Variants in ICE1 observed in about 807,000 individuals in gnomAD.
ICE1 encodes little elongation complex subunit 1.
A neutral mutation model predicts 192.7 loss-of-function variants in ICE1; 64 were observed. That is an observed-to-expected ratio of 0.33 (90% confidence interval 0.27 to 0.41). The LOEUF is 0.41. ICE1 is among the 10% of genes least tolerant of loss of function. The pLI is 1.00. For synonymous variants in ICE1, 1,010 were observed against 984.5 expected (o/e 1.03, Z -0.49); for missense variants, 2,708 against 2,696.0 (o/e 1.00, Z -0.10).
intron 10 of ICE1, among the ~76,000 whole-genome samples, chr5:5,448,841 A>G (rs1043321363): frequency 4.6e-5 from 7 of 152,050 alleles, no homozygotes; most frequent in African/African-American, 1.7e-4. Flanking sequence ...CTGGGCATTG[A>G]TTGCTCACCT....
rs746003649 is a variant in ICE1, at chr5:5,464,507, C to T, written c.5173C>T (p.Leu1725Phe). 3 of 1,613,992 alleles carry T rather than the reference C, an allele frequency of 1.9e-6. No individual in the cohort carries two copies. The highest frequency in any genetic ancestry group is 2.2e-5 in the East Asian group (1 of 44,874). ...QFCAATPKHA[L>F]PVPGRLPPCA... is the part of the protein sequence containing the mutation. Reference sequence around the variant, plus strand: ...CTGTGCGGCCACGCCGAAGCACGCACTTCCTGTGCCTGGCCGACTCCCACC... The same window carrying T: ...CTGTGCGGCCACGCCGAAGCACGCATTTCCTGTGCCTGGCCGACTCCCACC... Residue 1725 changes from leucine to phenylalanine, a missense_variant, in exon 13 of 19, where the codon CTT becomes TTT. Transcript: ENST00000296564. The surrounding 1 kb of genome is among the most constrained non-coding windows in gnomAD (Gnocchi z 4.0).
At chr5:5,470,781 A>G (rs991256571) in intron 15 of ICE1, among the ~76,000 whole-genome samples, 1 of 152,196 alleles carries the variant, frequency 6.6e-6, no homozygotes, top group Non-Finnish European at 1.5e-5. Context: ...AATTCAAAAT[A>G]TTTACATTTA....
chr5:5,473,051 A>C (rs1739209885), intron 15 of ICE1, among the ~76,000 whole-genome samples: 1 of 152,188 alleles, frequency 6.6e-6, no homozygotes, highest in African/African-American at 2.4e-5. Flanking sequence ...AGAAGTTCAA[A>C]CTACTCTTTC....
intron 17 of ICE1, among the ~76,000 whole-genome samples, chr5:5,477,357 C>T (rs1739348164): frequency 6.6e-6 from 1 of 152,184 alleles, no homozygotes. Context: ...ATACTGTAAA[C>T]ACCTCTATGC....
intron 10 of ICE1, among the ~76,000 whole-genome samples, chr5:5,448,316 T>C (rs184833473): frequency 9.7e-4 from 147 of 152,260 alleles, no homozygotes; most frequent in Middle Eastern, 3.4e-3. Flanking sequence ...AAGCCCTATA[T>C]AGTATAGACA....
rs138686835 is a variant in ICE1 at position 5,489,406 on chromosome 5, C to T, written c.*76C>T. 7.7e-7 allele frequency: 1 copy of T among 1,295,322 alleles called. No homozygotes were observed. Among genetic ancestry groups the T allele is most frequent in the Non-Finnish European group, 1.0e-6 (1 of 956,406 alleles). The allele number at this position is 1,295,322 out of a possible 1,614,324, so 80.2% of individuals were successfully genotyped here. Reference sequence around the variant, plus strand: ...AATAGTTTGATCAGCTTTCAGAATACAAAGGGAGGTTTCAAAACAAAAAGA... The same window carrying T: ...AATAGTTTGATCAGCTTTCAGAATATAAAGGGAGGTTTCAAAACAAAAAGA... On this transcript the variant is annotated 3_prime_UTR_variant, in exon 19 of 19. Transcript: ENST00000296564.
At chr5:5,429,105 G>A (rs1297215184) in intron 1 of ICE1, among the ~76,000 whole-genome samples, 1 of 152,150 alleles carries the variant, frequency 6.6e-6, no homozygotes, top group African/African-American at 2.4e-5. Context: ...GAGTCACACA[G>A]CACATGCCTA....
chr5:5,483,503 T>C (rs1739563214), intron 17 of ICE1, among the ~76,000 whole-genome samples: 1 of 152,222 alleles, frequency 6.6e-6, no homozygotes, highest in South Asian at 2.1e-4. Flanking sequence ...TTTTGTGGAA[T>C]GCTTGAATTG....
Position 5,461,921 on chromosome 5 carries a change from A to C in ICE1, c.2587A>C (p.Lys863Gln), listed in dbSNP as rs776489213. 6.2e-7 allele frequency: 1 copy of C among 1,613,882 alleles called. No individual in the cohort carries two copies. The highest frequency in any genetic ancestry group is 1.1e-5 in the South Asian group (1 of 91,080). ...GCCTAATCAAGTATCAGTTATCACA[A>C]AACAGACAAGACCTGAAAAGGTTCA... ...VLPNQVSVIT[K>Q]QTRPEKVQSA... Residue 863 changes from lysine to glutamine, a missense_variant, in exon 13 of 19, where the codon AAA becomes CAA. By Grantham distance (53) the Lys-to-Gln change is moderately conservative (BLOSUM62 1). Around this residue, in one of 2 missense-constraint regions of ICE1, gnomAD observed 2,366 missense variants for 2,276.6 expected, o/e 1.04. Transcript: ENST00000296564.
intron 16 of ICE1, among the ~76,000 whole-genome samples, chr5:5,475,429 A>G (rs1384446332): frequency 6.6e-6 from 1 of 152,222 alleles, no homozygotes; most frequent in Non-Finnish European, 1.5e-5. Flanking sequence ...GAATACCATG[A>G]AAGAAGTAGA....
At position 5,464,544 on chromosome 5, in the gene ICE1, G is replaced by T. The variant is rs1738919619; in HGVS notation, c.5210G>T (p.Gly1737Val). ...GGCCGACTCCCACCCTGTGCATCTG[G>T]CCACGCTGCTGTGGGAGGGCCTCAG... ...VPGRLPPCAS[G>V]HAAVGGPQEN... The change falls in exon 13 of 19, where the codon GGC (glycine) becomes GTC (valine). Residue 1737 changes from glycine (G) to valine (V), a missense_variant. Gly to Val is a moderately radical substitution (Grantham distance 109). Transcript: ENST00000296564. This position sits in a 1 kb window ranked among gnomAD's most constrained non-coding sequence, Gnocchi z 4.0. 6.2e-7 allele frequency: 1 copy of T among 1,613,790 alleles called. No individual in the cohort carries two copies. The highest frequency in any genetic ancestry group is 1.1e-5 in the South Asian group (1 of 91,054).
At chr5:5,470,177 A>G (rs906884115) in intron 15 of ICE1, among the ~76,000 whole-genome samples, 1 of 152,082 alleles carries the variant, frequency 6.6e-6, no homozygotes, top group African/African-American at 2.4e-5. Flanking sequence ...ACTTGCCTCC[A>G]GAGGATTACT....
At chr5:5,487,716 G>A (rs1258700639) in intron 18 of ICE1, among the ~76,000 whole-genome samples, 1 of 152,180 alleles carries the variant, frequency 6.6e-6, no homozygotes, top group Non-Finnish European at 1.5e-5. Context: ...GAGTTGTTTT[G>A]CCAGCAGATG....
Position 5,435,658 on chromosome 5 carries a change from T to TG in ICE1, c.85-760_85-759insG, listed in dbSNP as rs1378048278. 2.3e-3 allele frequency among the ~76,000 whole-genome samples: 299 copies of TG among 130,762 alleles called. 3 individuals are homozygous for TG. The highest frequency in any genetic ancestry group is 8.4e-3 in the African/African-American group (286 of 33,920). The allele number at this position is 130,762 out of a possible 152,430, so 85.8% of individuals were successfully genotyped here. ...GCGGTAATTTAGAGCCAAATTTGTGTTTTTTTTTTTTTTTGTTTTGTTTTT... is the reference window on the plus strand; with the variant it reads ...GCGGTAATTTAGAGCCAAATTTGTGTGTTTTTTTTTTTTTTGTTTTGTTTTT... On this transcript the variant is annotated intron_variant, in intron 1 of 18. Coordinates refer to ENST00000296564, the MANE Select transcript of ICE1 (RefSeq NM_015325.3).
At chr5:5,469,937 A>G (rs116493357) in intron 15 of ICE1, among the ~76,000 whole-genome samples, 1 of 152,204 alleles carries the variant, frequency 6.6e-6, no homozygotes, top group African/African-American at 2.4e-5. Flanking sequence ...AACCACATAT[A>G]TATCTGCTCC....
chr5:5,476,311 A>G (rs183863661), intron 17 of ICE1, among the ~76,000 whole-genome samples: 5 of 152,284 alleles, frequency 3.3e-5, no homozygotes, highest in African/African-American at 7.2e-5. Flanking sequence ...TTTAGTTACA[A>G]TTGAGCTCTT....
At chr5:5,431,342 G>C (rs929461243) in intron 1 of ICE1, among the ~76,000 whole-genome samples, 3 of 152,084 alleles carry the variant, frequency 2.0e-5, no homozygotes, top group African/African-American at 4.8e-5. Flanking sequence ...ATAAATACTC[G>C]AATGTTTTCA....
At chr5:5,438,686 A>G (rs1387435779) in intron 3 of ICE1, among the ~76,000 whole-genome samples, 2 of 152,350 alleles carry the variant, frequency 1.3e-5, no homozygotes, top group East Asian at 3.9e-4. Flanking sequence ...GTTAACTTAT[A>G]CATGTAACCT....
chr5:5,448,240 A>G (rs897556276), intron 10 of ICE1, among the ~76,000 whole-genome samples: 10 of 152,200 alleles, frequency 6.6e-5, no homozygotes, highest in Non-Finnish European at 1.2e-4. Flanking sequence ...TACCAAGTAT[A>G]TAAGAAAATG....
Sources: gnomAD v4.1 joint callset for allele counts (sites outside exome capture counted in the v4.1 genomes callset) on GRCh38, gnomAD v4.1.1 for gene constraint, gnomAD v4.1.1 regional missense constraint, Gnocchi (gnomAD v3.1) non-coding constraint, MANE v1.5 for transcripts, NCBI Gene and HGNC (gene_info 2026-07-23, HGNC 2026-07-21) for gene names.